Variants in ANKRD17 observed in about 807,000 individuals in gnomAD.
The protein encoded by ANKRD17 is ankyrin repeat domain 17.
Under a neutral mutation model 229.7 loss-of-function variants are expected in ANKRD17, and 19 were observed. That is an observed-to-expected ratio of 0.08 (90% CI 0.06 to 0.12). ANKRD17 has a LOEUF of 0.12. Among genes scored for constraint, ANKRD17 ranks in the 10% least tolerant of loss-of-function variants. The pLI is 1.00. For synonymous variants in ANKRD17, 1,112 were observed against 1,146.1 expected (o/e 0.97, Z 0.60); for missense variants, 2,176 against 3,176.8 (o/e 0.68, Z 7.57).
chr4:73,098,946 T>G (rs1723620627), intron 25 of ANKRD17: 1 of 994,982 alleles, frequency 1.0e-6, no homozygotes, highest in Non-Finnish European at 1.6e-6. Flanking sequence ...ACAGCACTGG[T>G]AGGGAGTCAG....
chr4:73,081,514 C>A (rs775818097), intron 30 of ANKRD17, among the ~76,000 whole-genome samples: 1 of 152,122 alleles, frequency 6.6e-6, no homozygotes, highest in Non-Finnish European at 1.5e-5. Context: ...ATTTTCACAT[C>A]TCTAATTATT....
chr4:73,135,842 T>C (rs1192263777), intron 15 of ANKRD17, among the ~76,000 whole-genome samples: 3 of 152,144 alleles, frequency 2.0e-5, no homozygotes, highest in Non-Finnish European at 4.4e-5. Flanking sequence ...AATATAAAAA[T>C]TTATCCTCAC....
At chr4:73,097,798 A>G (rs555221597) in intron 26 of ANKRD17, among the ~76,000 whole-genome samples, 1 of 152,242 alleles carries the variant, frequency 6.6e-6, no homozygotes, top group Non-Finnish European at 1.5e-5. Context: ...GTTTAATCAC[A>G]GTAATAATCC....
rs1724146174 is a variant in ANKRD17 at position 73,102,635 on chromosome 4, CATG to C, written c.4402-91_4402-89del. On this transcript the variant is annotated intron_variant, in intron 24 of 33. Transcript: ENST00000358602. ...CATAATCATTTAATCATAAGGAAAC[CATG>C]ATATCATAAAATTCAAAGTCATCTA... 4.9e-6 allele frequency: 7 copies of C among 1,435,938 alleles called. No homozygotes were observed. In the East Asian group the frequency reaches 1.2e-4, roughly 24 times the overall value. The allele number at this position is 1,435,938 out of a possible 1,614,324, so 88.9% of individuals were successfully genotyped here. A position where few individuals can be genotyped will look rare whatever the true frequency, so the allele number is the denominator to read the frequency against.
chr4:73,120,785 A>T, intron 20 of ANKRD17, 96 bp downstream of exon 20: 1 of 1,014,652 alleles, frequency 9.9e-7, no homozygotes, highest in Non-Finnish European at 1.4e-6. Flanking sequence ...GATAAATGTT[A>T]CTAGAAAGAA....
chr4:73,132,426 A>C (rs1248655780), intron 16 of ANKRD17, among the ~76,000 whole-genome samples: 1 of 152,160 alleles, frequency 6.6e-6, no homozygotes, highest in Non-Finnish European at 1.5e-5. Flanking sequence ...GTAAATTTTA[A>C]AAACAAACAT....
At chr4:73,212,417 G>C (rs982739289) in intron 1 of ANKRD17, among the ~76,000 whole-genome samples, 2 of 151,910 alleles carry the variant, frequency 1.3e-5, no homozygotes. Flanking sequence ...AAACATTTAC[G>C]AAACGATCCA....
At chr4:73,254,272 C>T (rs968096469) in intron 1 of ANKRD17, among the ~76,000 whole-genome samples, 2 of 152,190 alleles carry the variant, frequency 1.3e-5, no homozygotes, top group African/African-American at 4.8e-5. Flanking sequence ...CCTCCCTGGC[C>T]TTGCAAATCC....
intron 3 of ANKRD17, among the ~76,000 whole-genome samples, chr4:73,158,198 GA>G (rs1272341736): frequency 6.7e-6 from 1 of 149,022 alleles, no homozygotes; most frequent in Non-Finnish European, 1.5e-5. Context: ...GAGAGAGAAA[GA>G]AAGAAAGAAA....
At chr4:73,132,360 C>T (rs1045980598) in intron 16 of ANKRD17, among the ~76,000 whole-genome samples, 6 of 152,222 alleles carry the variant, frequency 3.9e-5, no homozygotes, top group East Asian at 1.9e-4. Context: ...CCATCCACCT[C>T]GGCCTCCCAG....
chr4:73,191,872 C>T (rs1334968804), intron 1 of ANKRD17, among the ~76,000 whole-genome samples: 2 of 151,944 alleles, frequency 1.3e-5, no homozygotes, highest in African/African-American at 4.8e-5. Flanking sequence ...AATTTTCTTT[C>T]TAGAAATTTA....
chr4:73,230,333 T>G (rs1215528657), intron 1 of ANKRD17, among the ~76,000 whole-genome samples: 1 of 152,150 alleles, frequency 6.6e-6, no homozygotes, highest in Non-Finnish European at 1.5e-5. Context: ...ATTTTTTTTT[T>G]GCTTAAACAT....
At chr4:73,097,369 T>A in intron 26 of ANKRD17, 97 bp from the exon 27 acceptor site, 4 of 1,061,882 alleles carry the variant, frequency 3.8e-6, no homozygotes, top group Non-Finnish European at 5.2e-6. Context: ...AAAATTTATT[T>A]TTAAATAACA....
intron 7 of ANKRD17, among the ~76,000 whole-genome samples, 171 bp from the exon 8 acceptor site, chr4:73,149,221 C>A (rs1023152249): frequency 3.9e-5 from 6 of 151,912 alleles, no homozygotes; most frequent in Non-Finnish European, 5.9e-5. Context: ...TGCCTATATT[C>A]TGTTAACATA....
At chr4:73,198,707 A>C (rs1268412609) in intron 1 of ANKRD17, among the ~76,000 whole-genome samples, 2 of 152,186 alleles carry the variant, frequency 1.3e-5, no homozygotes, top group Admixed American at 1.3e-4. Flanking sequence ...CCAAAGTCAC[A>C]AAGGAGATTA....
At chr4:73,096,017 A>G (rs1578030454) in intron 27 of ANKRD17, among the ~76,000 whole-genome samples, 1 of 152,196 alleles carries the variant, frequency 6.6e-6, no homozygotes, top group East Asian at 1.9e-4. Flanking sequence ...TGATTAAACA[A>G]TATTTCTAAA....
intron 28 of ANKRD17, among the ~76,000 whole-genome samples, chr4:73,093,612 G>A (rs370853031): frequency 3.2e-4 from 48 of 152,114 alleles, no homozygotes; most frequent in African/African-American, 1.2e-3. Context: ...GACCTCAGGT[G>A]ATCCGCCCGC....
At chr4:73,239,233 C>T (rs1474197427) in intron 1 of ANKRD17, among the ~76,000 whole-genome samples, 2 of 152,122 alleles carry the variant, frequency 1.3e-5, no homozygotes, top group African/African-American at 4.8e-5. Flanking sequence ...TTTTAAAATA[C>T]AGTGCTGACA....
chr4:73,200,769 T>C (rs1249861230), intron 1 of ANKRD17, among the ~76,000 whole-genome samples: 2 of 152,006 alleles, frequency 1.3e-5, no homozygotes, highest in Non-Finnish European at 2.9e-5. Flanking sequence ...ATTAAACAAA[T>C]GCTTATCAAA....
Sources: allele counts gnomAD v4.1 joint callset (sites outside exome capture counted in the v4.1 genomes callset), GRCh38; gene constraint gnomAD v4.1.1; transcripts MANE v1.5; gene names NCBI Gene and HGNC (gene_info 2026-07-23, HGNC 2026-07-21).